Variants in KMT2C observed in about 807,000 individuals in gnomAD.
KMT2C encodes lysine methyltransferase 2C.
Under a neutral mutation model 507.9 loss-of-function variants are expected in KMT2C, and 88 were observed. That is an observed-to-expected ratio of 0.17 (90% CI 0.15 to 0.21). KMT2C has a LOEUF of 0.21. KMT2C is among the 10% of genes least tolerant of loss of function. KMT2C has a pLI of 1.00. For synonymous variants in KMT2C, 2,049 were observed against 2,080.8 expected (o/e 0.98, Z 0.42); for missense variants, 4,954 against 5,957.8 (o/e 0.83, Z 5.55).
At chr7:152,296,664 A>G (rs1208177445) in intron 6 of KMT2C, among the ~76,000 whole-genome samples, 1 of 152,140 alleles carries the variant, frequency 6.6e-6, no homozygotes, top group Non-Finnish European at 1.5e-5. Context: ...CCAAGAAAAG[A>G]TGTTAAGACC....
At position 152,250,974 on chromosome 7, in the gene KMT2C, A is replaced by AT; in HGVS notation, c.1622-9_1622-8insA. ...CCATTTCATTGTTATAATCTTAACA[A>AT]AAAATTATTAATTCTTTAGCTCAGA... On this transcript the variant is annotated splice_polypyrimidine_tract_variant and intron_variant, in intron 11 of 58. Coordinates refer to ENST00000262189, the MANE Select transcript of KMT2C (RefSeq NM_170606.3). 7.0e-7 allele frequency: 1 copy of AT among 1,432,784 alleles called. No individual in the cohort carries two copies. Among genetic ancestry groups the AT allele is most frequent in the Non-Finnish European group, 9.8e-7 (1 of 1,017,808 alleles). The allele number at this position is 1,432,784 out of a possible 1,614,324, so 88.8% of individuals were successfully genotyped here.
At chr7:152,430,573 T>C (rs1307716321) in intron 1 of KMT2C, among the ~76,000 whole-genome samples, 2 of 152,210 alleles carry the variant, frequency 1.3e-5, no homozygotes, top group African/African-American at 2.4e-5. Context: ...CTCTGTCACC[T>C]GACTAGAGTG....
chr7:152,139,353 C>T (rs911222328), intron 56 of KMT2C, 94 bp from the exon 57 acceptor site: 25 of 1,125,372 alleles, frequency 2.2e-5, no homozygotes, highest in Admixed American at 7.0e-5. Context: ...CGAAACTGAA[C>T]GGAACGGCAG....
chr7:152,339,563 T>A (rs2096971004), intron 2 of KMT2C, among the ~76,000 whole-genome samples: 1 of 152,244 alleles, frequency 6.6e-6, no homozygotes, highest in African/African-American at 2.4e-5. Flanking sequence ...TGTAATCCTA[T>A]TTTGGTGTAT....
intron 1 of KMT2C, among the ~76,000 whole-genome samples, chr7:152,430,704 T>C (rs2097856533): frequency 1.3e-5 from 2 of 152,174 alleles, no homozygotes; most frequent in African/African-American, 4.8e-5. Flanking sequence ...GCTAATTTTT[T>C]TGTAGAGACA....
At position 152,163,607 on chromosome 7, in the gene KMT2C, T is replaced by C. The variant is rs772605130; in HGVS notation, c.9970A>G (p.Thr3324Ala). 6.2e-6 allele frequency: 10 copies of C among 1,606,984 alleles called. No homozygotes were observed. Among genetic ancestry groups the C allele is most frequent in the Non-Finnish European group, 7.7e-6 (9 of 1,175,846 alleles). Residue 3324 changes from threonine (T) to alanine (A), a missense_variant, in exon 43 of 59, where the codon ACT (threonine) becomes GCT (alanine). Transcript: ENST00000262189. ...AAACTGGGCATTCTAACAGGGCTAG[T>C]ATGGCCAGAAATAACTGTTGTGTGC... ...QQHTTVISGH[T>A]SPVRMPSLPG...
chr7:152,267,426 T>C (rs1327062375), intron 7 of KMT2C, among the ~76,000 whole-genome samples: 1 of 152,260 alleles, frequency 6.6e-6, no homozygotes, highest in Non-Finnish European at 1.5e-5. Context: ...CTGTTCACTC[T>C]GAACTCAGCC....
In KMT2C at chr7:152,258,437, T is replaced by A. The variant is rs1436971750; in HGVS notation, c.1299+4579A>T. Among the ~76,000 whole-genome samples, 3 of 152,204 alleles carry A rather than the reference T, an allele frequency of 2.0e-5. No individual in the cohort carries two copies. The East Asian group carries it at 5.8e-4, about 29-fold the overall frequency. On this transcript the variant is annotated intron_variant, in intron 9 of 58. Coordinates refer to ENST00000262189, the MANE Select transcript of KMT2C (RefSeq NM_170606.3). ...GTAAATGCGGTGGGAGTGCTAGAGC[T>A]GGAAATGCATCATTTGCAACCAAAA...
chr7:152,198,870 G>A lies in KMT2C; in HGVS notation c.4273+409C>T, dbSNP rs957292984. Among the ~76,000 whole-genome samples, 52 of 152,086 alleles carry A rather than the reference G, an allele frequency of 3.4e-4. 1 individual carries two copies. The highest frequency in any genetic ancestry group is 1.7e-3 in the Admixed American group (26 of 15,264). On this transcript the variant is annotated intron_variant, in intron 27 of 58. Transcript: ENST00000262189. ...ATGACCTAGGGCAACAGACTTCACT[G>A]TAGTAACACAGTATGCCAGCAAGTT...
intron 34 of KMT2C, among the ~76,000 whole-genome samples, chr7:152,184,848 G>C (rs895260945): frequency 1.3e-5 from 2 of 152,170 alleles, no homozygotes; most frequent in African/African-American, 4.8e-5. Context: ...TACAATTCTG[G>C]CTCACTGAAG....
chr7:152,252,678 C>G lies in KMT2C; in HGVS notation c.1337G>C (p.Ser446Thr). 6.2e-7 allele frequency: 1 copy of G among 1,613,532 alleles called. No individual in the cohort carries two copies. The highest frequency in any genetic ancestry group is 8.5e-7 in the Non-Finnish European group (1 of 1,179,662). The change falls in exon 10 of 59, where the codon AGT (serine) becomes ACT (threonine). Residue 446 changes from serine (S) to threonine (T), a missense_variant. This residue lies in a region of KMT2C where 376 missense variants were observed against 352.4 expected (regional missense o/e 1.07). Coordinates refer to ENST00000262189, the MANE Select transcript of KMT2C (RefSeq NM_170606.3). ...CAGGCAATTGTGGTGCCACTGAGAA[C>G]TAGACCGTGTGCCACACTCTATACA... ...RICIECGTRS[S>T]SQWHHNCLIC...
At chr7:152,261,038 A>G (rs1365675237) in intron 9 of KMT2C, among the ~76,000 whole-genome samples, 5 of 152,306 alleles carry the variant, frequency 3.3e-5, no homozygotes, top group Non-Finnish European at 7.3e-5. Flanking sequence ...ATTTTGCCTC[A>G]AAACAGCCAA....
intron 3 of KMT2C, among the ~76,000 whole-genome samples, chr7:152,316,660 C>T (rs2096725617): frequency 6.6e-6 from 1 of 152,054 alleles, no homozygotes; most frequent in South Asian, 2.1e-4. Context: ...AACCTATAGC[C>T]TTTTGAGGTG....
chr7:152,376,931 T>C (rs191405328), intron 1 of KMT2C, among the ~76,000 whole-genome samples: 1,942 of 152,304 alleles, frequency 0.013, 23 homozygotes, highest in African/African-American at 0.045. Context: ...ACACCTGTTA[T>C]CCCAGCACTT....
chr7:152,375,030 C>T lies in KMT2C; in HGVS notation c.162-16355G>A, dbSNP rs533695821. Among the ~76,000 whole-genome samples, 144 of 152,228 alleles carry T rather than the reference C, an allele frequency of 9.5e-4. 1 individual carries two copies. The highest frequency in any genetic ancestry group is 1.7e-3 in the Non-Finnish European group (117 of 68,016). ...TACAGACATACCTCATTTTATTTCA[C>T]GTCACAGATAATAAGTTGTTTGTTT... On this transcript the variant is annotated intron_variant, in intron 1 of 58. Transcript: ENST00000262189.
At chr7:152,272,719 A>G (rs1018922983) in intron 7 of KMT2C, among the ~76,000 whole-genome samples, 1 of 152,198 alleles carries the variant, frequency 6.6e-6, no homozygotes, top group African/African-American at 2.4e-5. Flanking sequence ...ATATGATTAC[A>G]TATGTGGACA....
At chr7:152,295,910 C>CA (rs538454728) in intron 6 of KMT2C, among the ~76,000 whole-genome samples, 1,821 of 150,614 alleles carry the variant, frequency 0.012, 42 homozygotes, top group African/African-American at 0.042. Context: ...ACTAAAAATA[C>CA]AAAAAAAATT....
chr7:152,153,907 T>C, intron 48 of KMT2C, 103 bp downstream of exon 48: 3 of 1,170,380 alleles, frequency 2.6e-6, no homozygotes, highest in Non-Finnish European at 3.7e-6. Context: ...TGACCCTTTA[T>C]CCTCAGTGAT....
chr7:152,381,234 A>G (rs1016859921), intron 1 of KMT2C, among the ~76,000 whole-genome samples: 11 of 151,520 alleles, frequency 7.3e-5, no homozygotes, highest in African/African-American at 2.7e-4. Flanking sequence ...AATAACATTT[A>G]TTTAGTGGGA....
Sources: gnomAD v4.1 joint callset for allele counts (sites outside exome capture counted in the v4.1 genomes callset) on GRCh38, gnomAD v4.1.1 for gene constraint, gnomAD v4.1.1 regional missense constraint, MANE v1.5 for transcripts, NCBI Gene and HGNC (gene_info 2026-07-23, HGNC 2026-07-21) for gene names.